CERS3: variants seen among roughly 807,000 people sequenced by gnomAD.
The protein encoded by CERS3 is LAG1 homolog, ceramide synthase 3.
A neutral mutation model predicts 50.3 loss-of-function variants in CERS3; 33 were observed. The ratio of observed to expected loss-of-function variants is 0.66; its 90% CI spans 0.50 to 0.88. The LOEUF (loss-of-function observed/expected upper bound fraction) is 0.88. CERS3 is among the 40% of genes least tolerant of loss of function. CERS3 has a pLI of 0.00. For missense variants in CERS3, 470 were observed against 460.3 expected, an observed-to-expected ratio of 1.02 and a Z score of -0.19; for synonymous variants, 176 against 155.2, an observed-to-expected ratio of 1.13 and a Z score of -0.99.
intron 11 of CERS3, among the ~76,000 whole-genome samples, chr15:100,441,553 C>T (rs902906228): frequency 6.6e-6 from 1 of 152,014 alleles, no homozygotes; most frequent in Non-Finnish European, 1.5e-5. Context: ...CTCCATTCCC[C>T]CTTCTTCTCC....
At chr15:100,522,697 T>C (rs1466627756) in intron 1 of CERS3, among the ~76,000 whole-genome samples, 1 of 152,228 alleles carries the variant, frequency 6.6e-6, no homozygotes, top group African/African-American at 2.4e-5. Context: ...TATATCACGA[T>C]CTGTGTTCCC....
upstream of CERS3, among the ~76,000 whole-genome samples, chr15:100,532,841 C>T (rs1391247305): frequency 2.0e-5 from 3 of 152,210 alleles, no homozygotes; most frequent in Admixed American, 2.0e-4. Context: ...CCCCACTACA[C>T]TGGGAATTCT....
intron 10 of CERS3, among the ~76,000 whole-genome samples, chr15:100,467,405 A>G (rs1386541604): frequency 6.6e-6 from 1 of 152,186 alleles, no homozygotes; most frequent in Non-Finnish European, 1.5e-5. Context: ...GTTTTCGTAC[A>G]GCCCATGAGC....
At position 100,517,008 on chromosome 15, in the gene CERS3, T is replaced by C. The variant is rs150201478; in HGVS notation, c.-2+4659A>G. Among the ~76,000 whole-genome samples, 297 of 152,304 alleles carry C rather than the reference T, an allele frequency of 2.0e-3. 1 individual carries two copies. The highest frequency in any genetic ancestry group is 3.7e-3 in the Non-Finnish European group (252 of 68,020). ...TTTCACCACTTTCCAACTACATGGC[T>C]TAGGGTAAGCGATGTTTTCTAAGCC... is the stretch of plus-strand genomic sequence containing the variant. On this transcript the variant is annotated intron_variant, in intron 2 of 11. Coordinates refer to ENST00000679737, the MANE Select transcript of CERS3 (RefSeq NM_001378789.1).
At chr15:100,527,114 C>T (rs1406919962) in intron 1 of CERS3, among the ~76,000 whole-genome samples, 2 of 151,924 alleles carry the variant, frequency 1.3e-5, no homozygotes, top group East Asian at 1.9e-4. Context: ...ACCAACATGG[C>T]GAAACCCCCA....
chr15:100,528,227 T>C (rs2036849787), intron 1 of CERS3, among the ~76,000 whole-genome samples: 1 of 152,218 alleles, frequency 6.6e-6, no homozygotes, highest in African/African-American at 2.4e-5. Flanking sequence ...GAACAGCTAA[T>C]TTCTCCTGGC....
At chr15:100,483,128 C>G (rs1242844664) in intron 5 of CERS3, among the ~76,000 whole-genome samples, 1 of 152,232 alleles carries the variant, frequency 6.6e-6, no homozygotes, top group African/African-American at 2.4e-5. Context: ...ACCCATTCTT[C>G]AAGGTCCAAC....
At position 100,417,768 on chromosome 15, in the gene CERS3, T is replaced by C. The variant is rs1441650684; in HGVS notation, c.1000-14903A>G. Among the ~76,000 whole-genome samples, 4 of 151,824 alleles carry C rather than the reference T, an allele frequency of 2.6e-5. No homozygotes were observed. In the East Asian group the frequency reaches 7.7e-4, roughly 29 times the overall value. ...CAGACTGCCTCCTCAAGTAGGTCCC[T>C]GACCCCTGACCCCTGGGCAGCCTAA... On this transcript the variant is annotated intron_variant, in intron 11 of 11. Transcript: ENST00000679737.
chr15:100,421,481 A>T (rs1430306808), intron 11 of CERS3, among the ~76,000 whole-genome samples: 5 of 151,996 alleles, frequency 3.3e-5, no homozygotes, highest in Non-Finnish European at 5.9e-5. Context: ...GTAGGAAGAA[A>T]CAATATCGTG....
chr15:100,486,058 C>T (rs1023758543), intron 4 of CERS3, among the ~76,000 whole-genome samples: 4 of 152,156 alleles, frequency 2.6e-5, no homozygotes, highest in African/African-American at 4.8e-5. Context: ...ATCTGGCGGA[C>T]GCTTCCAGAG....
chr15:100,417,171 C>T (rs1203506876), intron 11 of CERS3, among the ~76,000 whole-genome samples: 2 of 151,688 alleles, frequency 1.3e-5, no homozygotes, highest in Non-Finnish European at 2.9e-5. Context: ...TCTGAGGTAC[C>T]AGGTTCATCT....
intron 10 of CERS3, 109 bp downstream of exon 10, chr15:100,469,269 A>G (rs34108242): frequency 1.4e-6 from 1 of 718,438 alleles, no homozygotes. Flanking sequence ...CACTTGACAC[A>G]AATAACTGGA....
intron 2 of CERS3, among the ~76,000 whole-genome samples, chr15:100,504,022 G>A (rs1046033838): frequency 1.3e-5 from 2 of 152,112 alleles, no homozygotes; most frequent in African/African-American, 4.8e-5. Flanking sequence ...GAATACTGAA[G>A]TGACAGATTT....
intron 11 of CERS3, among the ~76,000 whole-genome samples, chr15:100,403,720 A>G (rs544703282): frequency 2.8e-4 from 43 of 152,382 alleles, no homozygotes; most frequent in African/African-American, 1.0e-3. Flanking sequence ...GGATAGTCAT[A>G]TAACTATGAA....
chr15:100,445,598 G>A (rs942514208), intron 11 of CERS3, among the ~76,000 whole-genome samples: 3 of 151,936 alleles, frequency 2.0e-5, no homozygotes, highest in South Asian at 2.1e-4. Context: ...TCTAACAACC[G>A]CACAATATCA....
intron 4 of CERS3, among the ~76,000 whole-genome samples, chr15:100,489,106 G>A (rs955270868): frequency 6.6e-6 from 1 of 152,146 alleles, no homozygotes; most frequent in Admixed American, 6.5e-5. Flanking sequence ...GGATGCAAAT[G>A]TCAAAATTCT....
At chr15:100,513,095 C>G (rs2036393186) in intron 2 of CERS3, among the ~76,000 whole-genome samples, 1 of 152,186 alleles carries the variant, frequency 6.6e-6, no homozygotes, top group African/African-American at 2.4e-5. Context: ...CCCTTTCGAG[C>G]CAGAGCTCTC....
chr15:100,480,187 A>G lies in CERS3; in HGVS notation c.408-141T>C, dbSNP rs145847246. ...AAAGTTTCTATCCTGGCTCTGCCCC[A>G]CTTATTAGATGGTTACAACCTTAGG... On this transcript the variant is annotated intron_variant, in intron 5 of 11. Transcript: ENST00000679737. 32 of 657,188 alleles carry G rather than the reference A, an allele frequency of 4.9e-5. No homozygotes were observed. In the East Asian group the frequency reaches 6.8e-4, roughly 14 times the overall value. The allele number at this position is 657,188 out of a possible 1,614,324, so 40.7% of individuals were successfully genotyped here.
chr15:100,531,435 G>A (rs144586666), upstream of CERS3, among the ~76,000 whole-genome samples: 770 of 152,198 alleles, frequency 5.1e-3, 2 homozygotes, highest in Middle Eastern at 0.01. Flanking sequence ...TGAGGAACTC[G>A]GAGGGTTTGC....
Sources: allele counts gnomAD v4.1 joint callset (sites outside exome capture counted in the v4.1 genomes callset), GRCh38; gene constraint gnomAD v4.1.1; transcripts MANE v1.5; gene names NCBI Gene and HGNC (gene_info 2026-07-23, HGNC 2026-07-21).